Variants in GRID2 observed in about 807,000 individuals in gnomAD.
GRID2 encodes the protein glutamate receptor ionotropic, delta-2.
In GRID2, 33 loss-of-function variants were observed where a neutral mutation model predicts 114.8. That is an observed-to-expected ratio of 0.29 (90% confidence interval 0.22 to 0.38). GRID2 has a LOEUF of 0.38. Among genes scored for constraint, GRID2 ranks in the 10% least tolerant of loss-of-function variants. The pLI, the probability that GRID2 is intolerant of heterozygous loss-of-function variation, is 1.00. For missense variants in GRID2, 1,184 were observed against 1,257.7 expected, an observed-to-expected ratio of 0.94 and a Z score of 0.89; for synonymous variants, 505 against 449.9, an observed-to-expected ratio of 1.12 and a Z score of -1.55.
intron 8 of GRID2, among the ~76,000 whole-genome samples, chr4:93,316,291 C>CGAAAGAACGAAA (rs1282459325): frequency 0.031 from 2,405 of 76,804 alleles, 33 homozygotes; most frequent in Middle Eastern, 0.056. Flanking sequence ...AACGAAAGAA[C>CGAAAGAACGAAA]GAAAGAAAGA....
intron 2 of GRID2, among the ~76,000 whole-genome samples, chr4:92,689,919 C>G (rs1335350674): frequency 6.6e-6 from 1 of 152,086 alleles, no homozygotes; most frequent in Non-Finnish European, 1.5e-5. Context: ...GAGTTAGGGC[C>G]TTACTCTGGA....
In GRID2 at chr4:93,710,921, A is replaced by T. The variant is rs115323438; in HGVS notation, c.2361-58289A>T. 6.1e-3 allele frequency among the ~76,000 whole-genome samples: 927 copies of T among 152,268 alleles called. 12 individuals carry two copies. Among genetic ancestry groups the T allele is most frequent in the African/African-American group, 0.021 (883 of 41,546 alleles). On this transcript the variant is annotated intron_variant, in intron 14 of 15. Transcript: ENST00000282020. ...ACCACTGATGTTTATTCAAGGCCTA[A>T]GGGCTCTTCAGTCAGCTGGTGTTGA...
At chr4:93,058,229 T>G (rs2149289474) in intron 2 of GRID2, among the ~76,000 whole-genome samples, 1 of 152,094 alleles carries the variant, frequency 6.6e-6, no homozygotes, top group Admixed American at 6.6e-5. Context: ...GCACTCTTAA[T>G]ACAGTGTGCA....
chr4:93,011,521 GAGCCCCC>G (rs1432232584), intron 2 of GRID2, among the ~76,000 whole-genome samples: 1 of 151,984 alleles, frequency 6.6e-6, no homozygotes, highest in East Asian at 1.9e-4. Context: ...GGCTTTCCAG[GAGCCCCC>G]AGCCCCCAGC....
chr4:92,379,250 T>C (rs1729502257), intron 1 of GRID2, among the ~76,000 whole-genome samples: 1 of 151,990 alleles, frequency 6.6e-6, no homozygotes, highest in South Asian at 2.1e-4. Flanking sequence ...ATTTAGAGTG[T>C]TCTCCATTTA....
intron 14 of GRID2, among the ~76,000 whole-genome samples, chr4:93,754,259 C>T (rs2110291942): frequency 6.6e-6 from 1 of 152,264 alleles, no homozygotes; most frequent in East Asian, 1.9e-4. Flanking sequence ...TGTGTTGCAG[C>T]TCAGGCACTA....
intron 2 of GRID2, among the ~76,000 whole-genome samples, chr4:92,835,112 A>G (rs1206801798): frequency 6.6e-6 from 1 of 152,046 alleles, no homozygotes; most frequent in Non-Finnish European, 1.5e-5. Flanking sequence ...GGCAGTGCTC[A>G]ATGGAAAGTA....
intron 2 of GRID2, among the ~76,000 whole-genome samples, chr4:93,004,913 C>T (rs1024928608): frequency 1.2e-4 from 18 of 152,078 alleles, no homozygotes; most frequent in African/African-American, 4.1e-4. Flanking sequence ...ATTTTAGTTT[C>T]AGTTTTTGGT....
At chr4:92,941,399 G>A (rs902390899) in intron 2 of GRID2, among the ~76,000 whole-genome samples, 3 of 152,044 alleles carry the variant, frequency 2.0e-5, no homozygotes, top group Non-Finnish European at 4.4e-5. Flanking sequence ...GTATTTCTTT[G>A]GGATTGGTGG....
At chr4:93,274,068 A>T (rs1368495468) in intron 8 of GRID2, among the ~76,000 whole-genome samples, 2 of 152,042 alleles carry the variant, frequency 1.3e-5, no homozygotes, top group Non-Finnish European at 2.9e-5. Context: ...TTTGTTTTTA[A>T]ACTTCATATA....
chr4:92,461,924 A>G (rs911111006), intron 1 of GRID2, among the ~76,000 whole-genome samples: 1 of 151,936 alleles, frequency 6.6e-6, no homozygotes, highest in Non-Finnish European at 1.5e-5. Flanking sequence ...AAATCATACC[A>G]CCAATTATTC....
intron 1 of GRID2, among the ~76,000 whole-genome samples, chr4:92,411,655 G>GTGTGTATA: frequency 8.3e-5 from 7 of 84,690 alleles, no homozygotes; most frequent in South Asian, 4.1e-4. Context: ...GTGTGTGTGT[G>GTGTGTATA]TATATATATA....
chr4:92,479,586 A>G (rs187397399), intron 1 of GRID2, among the ~76,000 whole-genome samples: 85 of 152,258 alleles, frequency 5.6e-4, no homozygotes, highest in Non-Finnish European at 1.0e-3. Flanking sequence ...GCACAGATAC[A>G]TTCATTAAGT....
downstream of GRID2, among the ~76,000 whole-genome samples, chr4:93,777,151 T>G (rs1026803381): frequency 1.3e-5 from 2 of 152,124 alleles, no homozygotes; most frequent in Non-Finnish European, 2.9e-5. Context: ...TCCAGGAGAC[T>G]AGAAACCTCA....
chr4:92,916,358 C>T (rs193155620), intron 2 of GRID2, among the ~76,000 whole-genome samples: 61 of 151,676 alleles, frequency 4.0e-4, no homozygotes, highest in African/African-American at 1.2e-3. Context: ...TTAGAGAAAC[C>T]GACACTGTTT....
At chr4:93,359,884 A>T (rs1761725049) in intron 8 of GRID2, among the ~76,000 whole-genome samples, 1 of 145,124 alleles carries the variant, frequency 6.9e-6, no homozygotes, top group South Asian at 2.2e-4. Context: ...AAAAAAAAAA[A>T]AAAAAAAAAA....
At chr4:92,906,440 AT>A (rs1487288581) in intron 2 of GRID2, among the ~76,000 whole-genome samples, 4 of 126,826 alleles carry the variant, frequency 3.2e-5, no homozygotes, top group Non-Finnish European at 7.1e-5. Flanking sequence ...GGAGAGCTGA[AT>A]TTTAGCACTT....
chr4:93,071,252 G>A (rs1728779425), intron 2 of GRID2, among the ~76,000 whole-genome samples: 1 of 152,032 alleles, frequency 6.6e-6, no homozygotes, highest in Non-Finnish European at 1.5e-5. Flanking sequence ...GACATGTATA[G>A]TATATCTAAC....
At chr4:92,416,578 G>A (rs1014538950) in intron 1 of GRID2, among the ~76,000 whole-genome samples, 1 of 152,122 alleles carries the variant, frequency 6.6e-6, no homozygotes, top group African/African-American at 2.4e-5. Context: ...GTTTATTTAT[G>A]TATAAGTTGA....
Sources: allele counts gnomAD v4.1 joint callset (sites outside exome capture counted in the v4.1 genomes callset), GRCh38; gene constraint gnomAD v4.1.1; transcripts MANE v1.5; gene names NCBI Gene and HGNC (gene_info 2026-07-23, HGNC 2026-07-21).